The following DCLK1 variants were observed in gnomAD, a reference collection of about 807,000 sequenced individuals.
DCLK1 encodes the protein serine/threonine-protein kinase DCLK1.
In DCLK1, 16 loss-of-function variants were observed where a neutral mutation model predicts 86.2. That is an observed-to-expected ratio of 0.19 (90% CI 0.13 to 0.28). DCLK1 has a LOEUF of 0.28. Ranked by LOEUF, DCLK1 falls within the 10% of genes least tolerant of loss-of-function variation. DCLK1 has a pLI of 1.00. For synonymous variants in DCLK1, 369 were observed against 370.5 expected (o/e 1.00, Z 0.05); for missense variants, 590 against 940.2 (o/e 0.63, Z 4.87).
At chr13:36,067,876 C>A (rs1020544506) in intron 3 of DCLK1, among the ~76,000 whole-genome samples, 4 of 152,164 alleles carry the variant, frequency 2.6e-5, no homozygotes, top group African/African-American at 4.8e-5. Flanking sequence ...TGCTGCCCCC[C>A]ACAGAACACT....
At chr13:36,030,039 C>T (rs1272286690) in intron 3 of DCLK1, among the ~76,000 whole-genome samples, 1 of 152,176 alleles carries the variant, frequency 6.6e-6, no homozygotes, top group Non-Finnish European at 1.5e-5. Flanking sequence ...GATCTACAAA[C>T]GCAGAGGCCA....
At chr13:35,868,932 A>T (rs1023270667) in intron 5 of DCLK1, among the ~76,000 whole-genome samples, 3 of 152,160 alleles carry the variant, frequency 2.0e-5, no homozygotes, top group African/African-American at 7.2e-5. Context: ...CTAGGATTAC[A>T]GGCACCCACC....
intron 3 of DCLK1, among the ~76,000 whole-genome samples, chr13:36,034,366 A>C (rs1882408225): frequency 6.6e-6 from 1 of 152,214 alleles, no homozygotes; most frequent in Non-Finnish European, 1.5e-5. Flanking sequence ...CTAAGTCTGT[A>C]CAATATATTT....
intron 16 of DCLK1, among the ~76,000 whole-genome samples, chr13:35,784,917 C>T (rs2086592451): frequency 6.6e-6 from 1 of 152,156 alleles, no homozygotes; most frequent in African/African-American, 2.4e-5. Flanking sequence ...ACAGTTTTCT[C>T]AAACCTGCAC....
intron 3 of DCLK1, among the ~76,000 whole-genome samples, chr13:35,990,543 C>T (rs1042535081): frequency 2.0e-5 from 3 of 152,116 alleles, no homozygotes; most frequent in South Asian, 4.2e-4. Flanking sequence ...CTTCTCTGAA[C>T]TTGCTCTGCA....
At chr13:35,793,214 A>C in intron 16 of DCLK1, 152 bp downstream of exon 16, 1 of 481,642 alleles carries the variant, frequency 2.1e-6, no homozygotes. Flanking sequence ...AATATATATA[A>C]GTCCCATACC....
At chr13:35,967,989 CA>C (rs1295077972) in intron 3 of DCLK1, among the ~76,000 whole-genome samples, 1 of 151,714 alleles carries the variant, frequency 6.6e-6, no homozygotes, top group East Asian at 1.9e-4. Flanking sequence ...CACTGCATTC[CA>C]GCCTGGATGA....
At chr13:35,979,064 G>T (rs946385277) in intron 3 of DCLK1, among the ~76,000 whole-genome samples, 1 of 152,122 alleles carries the variant, frequency 6.6e-6, no homozygotes, top group Admixed American at 6.5e-5. Flanking sequence ...CTCTGCAGAG[G>T]TTAATAACTT....
intron 3 of DCLK1, among the ~76,000 whole-genome samples, chr13:36,046,652 G>T (rs1051998452): frequency 5.3e-5 from 8 of 152,190 alleles, no homozygotes; most frequent in Admixed American, 3.9e-4. Context: ...AGCCCTCTGC[G>T]GAGTGTGTTA....
chr13:36,127,075 C>T (rs1886213551), intron 1 of DCLK1, among the ~76,000 whole-genome samples: 1 of 152,120 alleles, frequency 6.6e-6, no homozygotes. Context: ...TGGGCTGGGA[C>T]AGAAAGAGAG....
At chr13:35,982,431 AGGGGGAGG>A (rs1309096562) in intron 3 of DCLK1, among the ~76,000 whole-genome samples, 1,730 of 40,998 alleles carry the variant, frequency 0.042, 150 homozygotes, top group Admixed American at 0.089. Context: ...AGAGAGAGAG[AGGGGGAGG>A]GAGGGAGGGA....
intron 4 of DCLK1, among the ~76,000 whole-genome samples, chr13:35,899,374 AG>A (rs1566592735): frequency 7.9e-6 from 1 of 126,454 alleles, no homozygotes; most frequent in African/African-American, 3.0e-5. Context: ...TGTGTGAGAG[AG>A]AGAGAGAGAG....
At chr13:35,805,225 C>T (rs909889059) in intron 15 of DCLK1, 1 of 154,288 alleles carries the variant, frequency 6.5e-6, no homozygotes, top group Non-Finnish European at 1.4e-5. Flanking sequence ...ATCAGATGCC[C>T]TCGTGGAACA....
intron 3 of DCLK1, among the ~76,000 whole-genome samples, chr13:36,064,089 TCA>T (rs1401808748): frequency 6.6e-6 from 1 of 152,188 alleles, no homozygotes; most frequent in African/African-American, 2.4e-5. Context: ...GGGAAGCGCC[TCA>T]CAGTATTTGA....
intron 3 of DCLK1, among the ~76,000 whole-genome samples, chr13:36,066,291 T>G (rs1456326088): frequency 6.6e-6 from 1 of 151,968 alleles, no homozygotes; most frequent in Non-Finnish European, 1.5e-5. Flanking sequence ...CTCATGAGAG[T>G]GGTCTGGAAC....
At chr13:35,780,747 C>T (rs941101994) in intron 16 of DCLK1, among the ~76,000 whole-genome samples, 1 of 152,230 alleles carries the variant, frequency 6.6e-6, no homozygotes, top group Non-Finnish European at 1.5e-5. Flanking sequence ...AAGCCCTTAG[C>T]AGATGCTAGA....
At chr13:35,839,274 C>T (rs1869622961) in intron 6 of DCLK1, 98 bp from the exon 7 acceptor site, 12 of 1,063,556 alleles carry the variant, frequency 1.1e-5, no homozygotes, top group Non-Finnish European at 1.7e-5. Flanking sequence ...AAAACTTTGC[C>T]CATGCTAGGG....
chr13:35,879,466 C>T (rs1199890325), intron 4 of DCLK1, among the ~76,000 whole-genome samples: 1 of 152,208 alleles, frequency 6.6e-6, no homozygotes, highest in East Asian at 1.9e-4. Context: ...AATGATTCTC[C>T]TTTCCAAACC....
intron 16 of DCLK1, among the ~76,000 whole-genome samples, chr13:35,787,513 A>T (rs1325084525): frequency 2.0e-5 from 3 of 152,138 alleles, no homozygotes; most frequent in Non-Finnish European, 4.4e-5. Context: ...ACCCAGTTTT[A>T]AAAAAATCGA....
Sources: gnomAD v4.1 joint callset for allele counts (sites outside exome capture counted in the v4.1 genomes callset) on GRCh38, gnomAD v4.1.1 for gene constraint, MANE v1.5 for transcripts, NCBI Gene and HGNC (gene_info 2026-07-23, HGNC 2026-07-21) for gene names.